MYLK: variants seen among roughly 807,000 people sequenced by gnomAD.
The protein encoded by MYLK is myosin light chain kinase.
In MYLK, 106 loss-of-function variants were observed where a neutral mutation model predicts 203.4. That is an observed-to-expected ratio of 0.52 (90% CI 0.45 to 0.61). The LOEUF (loss-of-function observed/expected upper bound fraction) is 0.61, where lower values mean the gene tolerates loss of function less well. Ranked by LOEUF, MYLK falls within the 20% of genes least tolerant of loss-of-function variation. The probability of loss-of-function intolerance (pLI) is 0.00; values close to 1 mark genes in which losing one functional copy is unlikely to be tolerated. For synonymous variants in MYLK, 867 were observed against 959.5 expected, an observed-to-expected ratio of 0.90 and a Z score of 1.78; for missense variants, 2,072 against 2,442.3, an observed-to-expected ratio of 0.85 and a Z score of 3.20.
chr3:123,660,262 T>C (rs955226578), intron 23 of MYLK, among the ~76,000 whole-genome samples: 1 of 152,222 alleles, frequency 6.6e-6, no homozygotes, highest in African/African-American at 2.4e-5. Context: ...CAGAATGAGC[T>C]CAAGAAGGCA....
chr3:123,741,987 C>A (rs915846952), intron 5 of MYLK, among the ~76,000 whole-genome samples: 1 of 152,208 alleles, frequency 6.6e-6, no homozygotes, highest in Non-Finnish European at 1.5e-5. Flanking sequence ...CTCAGATGCT[C>A]AGTAGTATCT....
At chr3:123,789,714 G>A (rs1378882844) in intron 4 of MYLK, among the ~76,000 whole-genome samples, 1 of 151,638 alleles carries the variant, frequency 6.6e-6, no homozygotes, top group Non-Finnish European at 1.5e-5. Flanking sequence ...AAGGAGAGGG[G>A]AGAGGAGGGA....
At chr3:123,740,922 T>C (rs2062836729) in intron 5 of MYLK, among the ~76,000 whole-genome samples, 2 of 152,150 alleles carry the variant, frequency 1.3e-5, no homozygotes, top group Admixed American at 1.3e-4. Context: ...ATCCAGCTCC[T>C]GCAGCTGGGA....
intron 10 of MYLK, 95 bp downstream of exon 10, chr3:123,733,592 T>C: frequency 6.9e-7 from 1 of 1,453,268 alleles, no homozygotes. Context: ...GATGAGTGGA[T>C]ATAGGTGATG....
intron 4 of MYLK, among the ~76,000 whole-genome samples, chr3:123,760,825 G>A (rs528259607): frequency 4.6e-5 from 7 of 152,206 alleles, no homozygotes; most frequent in Admixed American, 1.3e-4. Context: ...TTTAAAGACC[G>A]AAACCCAATT....
chr3:123,643,814 G>A (rs953720839), intron 27 of MYLK, among the ~76,000 whole-genome samples: 1 of 152,236 alleles, frequency 6.6e-6, no homozygotes, highest in Non-Finnish European at 1.5e-5. Flanking sequence ...GAGACCCTCC[G>A]CTCCTTGCCC....
intron 4 of MYLK, among the ~76,000 whole-genome samples, chr3:123,774,635 C>CATA (rs2064001339): frequency 6.6e-6 from 1 of 152,122 alleles, no homozygotes; most frequent in Non-Finnish European, 1.5e-5. Context: ...TATGGCAAGG[C>CATA]TTCCTAGTCT....
chr3:123,627,448 CAAA>C (rs1346376378), intron 30 of MYLK, among the ~76,000 whole-genome samples: 1 of 152,172 alleles, frequency 6.6e-6, no homozygotes, highest in Non-Finnish European at 1.5e-5. Context: ...CATTACAACT[CAAA>C]GAAGTAGGTC....
intron 6 of MYLK, 152 bp from the exon 7 acceptor site, chr3:123,739,214 T>C: frequency 1.1e-6 from 1 of 903,530 alleles, no homozygotes; most frequent in South Asian, 1.5e-5. Flanking sequence ...TCATGCTCTC[T>C]CTAGAAAAAT....
intron 23 of MYLK, among the ~76,000 whole-genome samples, chr3:123,658,883 A>G (rs1451790996): frequency 6.6e-6 from 1 of 152,122 alleles, no homozygotes; most frequent in Non-Finnish European, 1.5e-5. Context: ...GCCGATCCAC[A>G]TTCCAGCCCA....
At position 123,638,180 on chromosome 3, in the gene MYLK, G is replaced by C; in HGVS notation, c.4852C>G (p.Leu1618Val). The change falls in exon 29 of 34, where the codon CTG becomes GTG. Residue 1618 changes from leucine (L) to valine (V), a missense_variant. Transcript: ENST00000360304. Reference protein sequence around the residue: ...LARRLENAGSLKVLFGTPEFV... With the variant: ...LARRLENAGSVKVLFGTPEFV... Reference sequence around the variant, plus strand: ...TCTGGGGTGCCAAAGAGGACCTTCAGAGACCCCGCATTCTCTGAAACCAGG... The same window carrying C: ...TCTGGGGTGCCAAAGAGGACCTTCACAGACCCCGCATTCTCTGAAACCAGG... 6.2e-7 allele frequency: 1 copy of C among 1,613,916 alleles called. No individual in the cohort carries two copies. The highest frequency in any genetic ancestry group is 8.5e-7 in the Non-Finnish European group (1 of 1,180,024).
intron 3 of MYLK, among the ~76,000 whole-genome samples, chr3:123,814,710 A>C (rs2109256312): frequency 6.6e-6 from 1 of 152,350 alleles, no homozygotes; most frequent in Middle Eastern, 3.4e-3. Context: ...AAACTTAATG[A>C]TGCCCCTGTT....
At chr3:123,614,957 C>A (rs1379874381) in intron 33 of MYLK, among the ~76,000 whole-genome samples, 1 of 151,760 alleles carries the variant, frequency 6.6e-6, no homozygotes, top group Non-Finnish European at 1.5e-5. Flanking sequence ...TAGGTACATG[C>A]CACCATGCCT....
intron 4 of MYLK, among the ~76,000 whole-genome samples, chr3:123,763,001 A>T (rs986766891): frequency 1.3e-4 from 20 of 152,318 alleles, no homozygotes; most frequent in African/African-American, 4.6e-4. Flanking sequence ...TAAGCTCTCA[A>T]ATCTGCCCCC....
chr3:123,614,438 T>C, intron 33 of MYLK, 89 bp from the exon 34 acceptor site: 2 of 1,535,252 alleles, frequency 1.3e-6, no homozygotes, highest in Non-Finnish European at 1.8e-6. Context: ...GCTACCACTA[T>C]TGATTAAGGT....
chr3:123,701,465 T>C lies in MYLK; in HGVS notation c.2435A>G (p.Gln812Arg), dbSNP rs773724805. The part of the protein sequence containing the change: ...ECSCQVSLML[Q>R]NSSARALPRG... Reference sequence around the variant, plus strand: ...TGGAAGGGCTCTGGCAGAGCTGTTCTGTAGCATCAGTGACACCTGGCAACT... The same window carrying C: ...TGGAAGGGCTCTGGCAGAGCTGTTCCGTAGCATCAGTGACACCTGGCAACT... Residue 812 changes from glutamine (Q) to arginine (R), a missense_variant, in exon 17 of 34, where the codon CAG becomes CGG. Physicochemically the swap from Gln to Arg is conservative, Grantham distance 43. This residue lies in a region of MYLK where 865 missense variants were observed against 1,016.0 expected (regional missense o/e 0.85). Transcript: ENST00000360304. The C allele has an allele frequency of 2.0e-5, 32 of 1,614,090 alleles. No individual in the cohort carries two copies. Among genetic ancestry groups the C allele is most frequent in the Non-Finnish European group, 2.7e-5 (32 of 1,180,016 alleles).
intron 13 of MYLK, among the ~76,000 whole-genome samples, chr3:123,717,781 G>T (rs1206826616): frequency 6.6e-6 from 1 of 151,670 alleles, no homozygotes; most frequent in African/African-American, 2.4e-5. Flanking sequence ...GTTAACTATT[G>T]GGGAATTTTT....
At chr3:123,799,824 G>A (rs72972339) in intron 3 of MYLK, 1,578 of 152,356 alleles carry the variant, frequency 0.01, 23 homozygotes, top group African/African-American at 0.034. Flanking sequence ...ACCAGTGAAC[G>A]GGACACACCT....
intron 4 of MYLK, among the ~76,000 whole-genome samples, chr3:123,782,102 G>A (rs1404312590): frequency 6.6e-6 from 1 of 152,176 alleles, no homozygotes. Context: ...GATTTTATAA[G>A]AAGGAATGTG....
Sources: gnomAD v4.1 joint callset for allele counts (sites outside exome capture counted in the v4.1 genomes callset) on GRCh38, gnomAD v4.1.1 for gene constraint, gnomAD v4.1.1 regional missense constraint, MANE v1.5 for transcripts, NCBI Gene and HGNC (gene_info 2026-07-23, HGNC 2026-07-21) for gene names.